The following PTPRD variants were observed in gnomAD, a reference collection of about 807,000 sequenced individuals.
The protein encoded by PTPRD is receptor-type tyrosine-protein phosphatase delta.
Under a neutral mutation model 214.5 loss-of-function variants are expected in PTPRD, and 34 were observed. The observed-to-expected ratio is 0.16, with a 90% CI of 0.12 to 0.21. The LOEUF (loss-of-function observed/expected upper bound fraction) is 0.21. Among genes scored for constraint, PTPRD ranks in the 10% least tolerant of loss-of-function variants. PTPRD has a pLI of 1.00. For synonymous variants in PTPRD, 1,128 were observed against 845.7 expected (o/e 1.33, Z -5.79); for missense variants, 2,545 against 2,398.7 (o/e 1.06, Z -1.27).
chr9:8,711,876 C>T (rs927991268), intron 12 of PTPRD, among the ~76,000 whole-genome samples: 6 of 152,178 alleles, frequency 3.9e-5, no homozygotes, highest in African/African-American at 1.4e-4. Context: ...GCTACGCAAG[C>T]AATGATCTAT....
At chr9:9,270,882 G>A (rs1942604739) in intron 9 of PTPRD, among the ~76,000 whole-genome samples, 1 of 151,280 alleles carries the variant, frequency 6.6e-6, no homozygotes, top group Non-Finnish European at 1.5e-5. Flanking sequence ...TAGATATCGG[G>A]GGGTGTAGGG....
intron 11 of PTPRD, among the ~76,000 whole-genome samples, chr9:8,969,718 A>C (rs530943564): frequency 6.6e-6 from 1 of 152,128 alleles, no homozygotes; most frequent in East Asian, 1.9e-4. Flanking sequence ...ATGGGTAAAT[A>C]AAACTGACCA....
At chr9:8,722,562 T>C (rs1465672383) in intron 12 of PTPRD, among the ~76,000 whole-genome samples, 2 of 152,154 alleles carry the variant, frequency 1.3e-5, no homozygotes, top group East Asian at 1.9e-4. Context: ...CTTTAATCTA[T>C]ATAGGGACTT....
intron 12 of PTPRD, among the ~76,000 whole-genome samples, chr9:8,726,635 A>G (rs1279402346): frequency 8.1e-5 from 5 of 61,910 alleles, no homozygotes; most frequent in Non-Finnish European, 1.4e-4. Flanking sequence ...ATATATATAT[A>G]TATATATATA....
intron 5 of PTPRD, among the ~76,000 whole-genome samples, chr9:9,932,062 C>CA (rs1566461541): frequency 1.3e-5 from 2 of 150,420 alleles, no homozygotes; most frequent in African/African-American, 4.9e-5. Context: ...ACATCCACAC[C>CA]AAAAACCCAT....
chr9:9,070,846 C>A (rs909033707), intron 10 of PTPRD, among the ~76,000 whole-genome samples: 1 of 152,180 alleles, frequency 6.6e-6, no homozygotes, highest in African/African-American at 2.4e-5. Context: ...AAGTGGCAGT[C>A]AAGGCTAGAA....
At chr9:10,299,616 C>T (rs180987534) in intron 3 of PTPRD, among the ~76,000 whole-genome samples, 4 of 152,186 alleles carry the variant, frequency 2.6e-5, no homozygotes, top group African/African-American at 9.6e-5. Flanking sequence ...TTACATTGGC[C>T]AAGGCAGTGC....
intron 9 of PTPRD, among the ~76,000 whole-genome samples, chr9:9,343,615 T>C (rs1290337322): frequency 1.3e-5 from 2 of 152,164 alleles, no homozygotes; most frequent in South Asian, 2.1e-4. Flanking sequence ...GAAGGTAGCA[T>C]TGGAGAAACT....
intron 3 of PTPRD, among the ~76,000 whole-genome samples, chr9:10,155,490 T>A (rs1478059665): frequency 6.6e-6 from 1 of 152,150 alleles, no homozygotes; most frequent in Admixed American, 6.6e-5. Context: ...ACATGTTGAA[T>A]AGAAGAGATG....
intron 2 of PTPRD, among the ~76,000 whole-genome samples, chr9:10,483,340 C>A (rs985566063): frequency 5.9e-5 from 9 of 151,894 alleles, no homozygotes; most frequent in African/African-American, 2.2e-4. Flanking sequence ...TAAATAAAAA[C>A]CTAGGAAACA....
intron 10 of PTPRD, among the ~76,000 whole-genome samples, chr9:9,099,239 T>G (rs536501460): frequency 6.6e-6 from 1 of 152,288 alleles, no homozygotes; most frequent in East Asian, 1.9e-4. Context: ...TAAAACTATG[T>G]TGGTGATATT....
chr9:10,014,537 G>T (rs1251214189), intron 4 of PTPRD, among the ~76,000 whole-genome samples: 1 of 151,902 alleles, frequency 6.6e-6, no homozygotes, highest in Non-Finnish European at 1.5e-5. Flanking sequence ...TAGAAATAAT[G>T]CATTTCCTTA....
chr9:8,331,432 G>A (rs986746264), intron 44 of PTPRD, 150 bp downstream of exon 44: 4 of 948,652 alleles, frequency 4.2e-6, no homozygotes, highest in African/African-American at 3.6e-5. Flanking sequence ...TTCACTTTAT[G>A]AAAAGAAAGA....
chr9:10,425,858 T>C (rs1005813442), intron 2 of PTPRD, among the ~76,000 whole-genome samples: 8 of 152,118 alleles, frequency 5.3e-5, no homozygotes, highest in Non-Finnish European at 1.0e-4. Context: ...CATGTGATTA[T>C]ATTCATAAGT....
Position 10,308,157 on chromosome 9 carries a change from G to T in PTPRD, c.-545+32806C>A, listed in dbSNP as rs2096146003. Among the ~76,000 whole-genome samples the T allele has an allele frequency of 2.0e-5, 3 of 151,852 alleles. No homozygotes were observed. The South Asian group carries it at 6.2e-4, about 31-fold the overall frequency. On this transcript the variant is annotated intron_variant, in intron 3 of 45. Coordinates refer to ENST00000381196, the MANE Select transcript of PTPRD (RefSeq NM_002839.4). ...TCTTTGCCTACATCAATGTCCTGAA[G>T]TGTTTTTCCTGTTTTCTTATAGTAG...
Position 9,006,489 on chromosome 9 carries a change from C to G in PTPRD, c.-104+12208G>C, listed in dbSNP as rs149625603. On this transcript the variant is annotated intron_variant, in intron 11 of 45. Coordinates refer to ENST00000381196, the MANE Select transcript of PTPRD (RefSeq NM_002839.4). Reference sequence around the variant, plus strand: ...CGTTATTCTGAATAGTCACTGATCCCCAGAGTTTTATCTCTGTAAGTGACT... The same window carrying G: ...CGTTATTCTGAATAGTCACTGATCCGCAGAGTTTTATCTCTGTAAGTGACT... 4.9e-3 allele frequency among the ~76,000 whole-genome samples: 742 copies of G among 152,052 alleles called. 10 individuals are homozygous for G. Among genetic ancestry groups the G allele is most frequent in the African/African-American group, 0.017 (717 of 41,512 alleles).
chr9:9,629,961 G>A (rs527496741), intron 7 of PTPRD, among the ~76,000 whole-genome samples: 6 of 150,818 alleles, frequency 4.0e-5, no homozygotes, highest in Non-Finnish European at 8.8e-5. Context: ...GGAAGGAAAA[G>A]GTTAAGACAG....
At chr9:8,698,233 T>C (rs1249002627) in intron 12 of PTPRD, among the ~76,000 whole-genome samples, 1 of 152,220 alleles carries the variant, frequency 6.6e-6, no homozygotes, top group East Asian at 1.9e-4. Flanking sequence ...ATACCTACTG[T>C]GTGATAGATG....
At chr9:8,497,147 C>A in intron 26 of PTPRD, 95 bp downstream of exon 26, 1 of 1,098,296 alleles carries the variant, frequency 9.1e-7, no homozygotes, top group South Asian at 1.5e-5. Context: ...TGCATCCAAG[C>A]AAACTGTGAT....
Sources: gnomAD v4.1 joint callset for allele counts (sites outside exome capture counted in the v4.1 genomes callset) on GRCh38, gnomAD v4.1.1 for gene constraint, MANE v1.5 for transcripts, NCBI Gene and HGNC (gene_info 2026-07-23, HGNC 2026-07-21) for gene names.